Variants in PLXDC2 observed in about 807,000 individuals in gnomAD.
The protein encoded by PLXDC2 is plexin domain-containing protein 2.
A neutral mutation model predicts 68.9 loss-of-function variants in PLXDC2; 40 were observed. The observed-to-expected ratio is 0.58, with a 90% CI of 0.45 to 0.76. The LOEUF is 0.76. Ranked by LOEUF, PLXDC2 falls within the 30% of genes least tolerant of loss-of-function variation. The probability of loss-of-function intolerance (pLI) is 0.00; values close to 1 mark genes in which losing one functional copy is unlikely to be tolerated. For synonymous variants in PLXDC2, 243 were observed against 234.2 expected, an observed-to-expected ratio of 1.04 and a Z score of -0.34; for missense variants, 644 against 661.9, an observed-to-expected ratio of 0.97 and a Z score of 0.30.
chr10:20,259,772 G>A (rs1244442072), intron 13 of PLXDC2, among the ~76,000 whole-genome samples: 3 of 152,180 alleles, frequency 2.0e-5, no homozygotes, highest in South Asian at 2.1e-4. Flanking sequence ...GTGAGTACAG[G>A]GGACCTGTGT....
intron 2 of PLXDC2, among the ~76,000 whole-genome samples, chr10:20,041,240 T>C (rs1406104081): frequency 6.6e-6 from 1 of 152,218 alleles, no homozygotes; most frequent in Non-Finnish European, 1.5e-5. Context: ...GCATATTCTC[T>C]GTATATTTGT....
intron 1 of PLXDC2, among the ~76,000 whole-genome samples, chr10:19,850,185 T>C (rs896030183): frequency 1.3e-5 from 2 of 152,184 alleles, no homozygotes; most frequent in South Asian, 4.1e-4. Flanking sequence ...ACTGACATAA[T>C]TGCTTTACAT....
At chr10:20,218,711 A>T (rs1045624479) in intron 11 of PLXDC2, among the ~76,000 whole-genome samples, 1 of 150,916 alleles carries the variant, frequency 6.6e-6, no homozygotes, top group African/African-American at 2.5e-5. Flanking sequence ...TTGATTTTTT[A>T]AAATGAATAA....
Position 20,238,667 on chromosome 10 carries a change from A to ATATATATG in PLXDC2, c.1313-6671_1313-6670insGTATATAT, listed in dbSNP as rs1463480493. Among the ~76,000 whole-genome samples, 83 of 132,676 alleles carry ATATATATG rather than the reference A, an allele frequency of 6.3e-4. 2 individuals are homozygous for ATATATATG. The highest frequency in any genetic ancestry group is 2.4e-3 in the African/African-American group (78 of 32,954). 87.0% of individuals were successfully genotyped at this position (132,676 alleles called of 152,430 possible). A position where few individuals can be genotyped will look rare whatever the true frequency, so the allele number is the denominator to read the frequency against. On this transcript the variant is annotated intron_variant, in intron 12 of 13. Transcript: ENST00000377252. ...AAAGACTCCATCTCAAAAAAAATAT[A>ATATATATG]TATATATATGTATATATATATATAT...
chr10:20,206,748 C>G (rs1009814159), intron 9 of PLXDC2, among the ~76,000 whole-genome samples: 4 of 152,036 alleles, frequency 2.6e-5, no homozygotes, highest in Non-Finnish European at 5.9e-5. Context: ...ACAGGCATCT[C>G]AGGTAATTCC....
intron 9 of PLXDC2, among the ~76,000 whole-genome samples, chr10:20,185,082 G>A (rs1231080044): frequency 6.9e-6 from 1 of 145,612 alleles, no homozygotes; most frequent in Non-Finnish European, 1.5e-5. Context: ...AGGTTGATAG[G>A]TGCAGCAAAC....
chr10:20,023,811 A>G (rs900789753), intron 2 of PLXDC2, among the ~76,000 whole-genome samples: 13 of 152,288 alleles, frequency 8.5e-5, no homozygotes, highest in Admixed American at 2.6e-4. Context: ...ATTACTTAAT[A>G]TATTTCTCAA....
At chr10:19,969,513 G>A (rs1276837070) in intron 1 of PLXDC2, among the ~76,000 whole-genome samples, 1 of 152,118 alleles carries the variant, frequency 6.6e-6, no homozygotes, top group African/African-American at 2.4e-5. Context: ...GTCCAAAATC[G>A]ATATTTTCAA....
At chr10:20,073,709 C>G (rs936632498) in intron 4 of PLXDC2, among the ~76,000 whole-genome samples, 2 of 152,058 alleles carry the variant, frequency 1.3e-5, no homozygotes, top group Non-Finnish European at 2.9e-5. Flanking sequence ...CACTAGAAAC[C>G]TAGTTCTCTG....
At chr10:19,890,576 CG>C (rs1837939448) in intron 1 of PLXDC2, among the ~76,000 whole-genome samples, 2 of 148,630 alleles carry the variant, frequency 1.3e-5, no homozygotes, top group South Asian at 4.3e-4. Flanking sequence ...AGGGTTTCAC[CG>C]CGTTAGCCAG....
At chr10:20,225,353 CT>C (rs984608450) in intron 12 of PLXDC2, among the ~76,000 whole-genome samples, 4 of 152,034 alleles carry the variant, frequency 2.6e-5, no homozygotes, top group Non-Finnish European at 5.9e-5. Context: ...ATATCTTTCC[CT>C]TTTTTTCTAC....
chr10:19,819,774 G>A (rs1300387212), intron 1 of PLXDC2, among the ~76,000 whole-genome samples: 1 of 152,144 alleles, frequency 6.6e-6, no homozygotes, highest in Non-Finnish European at 1.5e-5. Context: ...TCCTGCTTTT[G>A]TTGGAGTTAA....
intron 10 of PLXDC2, among the ~76,000 whole-genome samples, chr10:20,217,156 T>G (rs1480389408): frequency 6.6e-6 from 1 of 152,174 alleles, no homozygotes; most frequent in African/African-American, 2.4e-5. Context: ...TAGGGCAAGG[T>G]AAACAGTAAT....
chr10:20,065,376 G>A (rs1482800036), intron 3 of PLXDC2, among the ~76,000 whole-genome samples: 1 of 152,056 alleles, frequency 6.6e-6, no homozygotes, highest in Non-Finnish European at 1.5e-5. Flanking sequence ...CAGTGAAAAT[G>A]GAATTCTAGA....
chr10:20,243,936 G>A (rs1008070798), intron 12 of PLXDC2, among the ~76,000 whole-genome samples: 2 of 152,126 alleles, frequency 1.3e-5, no homozygotes, highest in Non-Finnish European at 2.9e-5. Context: ...GCAAGCGCCT[G>A]TAATCCCAGC....
At chr10:20,020,697 A>C (rs1431154401) in intron 2 of PLXDC2, among the ~76,000 whole-genome samples, 1 of 152,192 alleles carries the variant, frequency 6.6e-6, no homozygotes, top group Non-Finnish European at 1.5e-5. Context: ...TAAATCCTTT[A>C]TATCTGTAAC....
chr10:20,278,468 C>T (rs1195238618), intron 13 of PLXDC2, among the ~76,000 whole-genome samples: 1 of 152,146 alleles, frequency 6.6e-6, no homozygotes, highest in Non-Finnish European at 1.5e-5. Context: ...GTGTGGCCCT[C>T]TCTTTAGTTT....
chr10:20,119,249 G>A (rs1178606069), intron 4 of PLXDC2, among the ~76,000 whole-genome samples: 3 of 152,140 alleles, frequency 2.0e-5, no homozygotes, highest in Non-Finnish European at 4.4e-5. Flanking sequence ...CTTTGTGTGA[G>A]CAACATGGCT....
At chr10:20,128,459 A>G (rs963470041) in intron 4 of PLXDC2, among the ~76,000 whole-genome samples, 1 of 152,174 alleles carries the variant, frequency 6.6e-6, no homozygotes, top group Admixed American at 6.5e-5. Flanking sequence ...AATTACCGCT[A>G]TAAGCTTGAT....
Sources: allele counts gnomAD v4.1 joint callset (sites outside exome capture counted in the v4.1 genomes callset), GRCh38; gene constraint gnomAD v4.1.1; transcripts MANE v1.5; gene names NCBI Gene and HGNC (gene_info 2026-07-23, HGNC 2026-07-21).